MRAP: variants seen among roughly 807,000 people sequenced by gnomAD.
MRAP encodes melanocortin 2 receptor accessory protein.
MRAP carries 8 observed loss-of-function variants against 8.7 expected under a neutral mutation model. The ratio of observed to expected loss-of-function variants is 0.92; its 90% confidence interval spans 0.54 to 1.66. MRAP has a LOEUF of 1.66. MRAP is among the 40% of genes most tolerant of loss of function. The pLI is 0.00. For missense variants in MRAP, 237 were observed against 217.1 expected (o/e 1.09, Z -0.58); for synonymous variants, 95 against 95.5 (o/e 1.00, Z 0.03).
intron 2 of MRAP, 52 bp from the exon 3 acceptor site, chr21:32,311,632 G>A: frequency 6.3e-7 from 1 of 1,598,626 alleles, no homozygotes; most frequent in Non-Finnish European, 8.5e-7. Context: ...CCACAGTATG[G>A]ACTGTTCTGC....
chr21:32,311,622 C>T, intron 2 of MRAP, 62 bp from the exon 3 acceptor site: 1 of 1,579,558 alleles, frequency 6.3e-7, no homozygotes, highest in Admixed American at 1.8e-5. Context: ...CCCCCCAGCC[C>T]CACAGTATGG....
intron 2 of MRAP, among the ~76,000 whole-genome samples, chr21:32,293,794 T>C (rs993016888): frequency 6.6e-6 from 1 of 152,200 alleles, no homozygotes; most frequent in Non-Finnish European, 1.5e-5. Flanking sequence ...TTAATATAAG[T>C]ATGTCATTAT....
chr21:32,301,001 TATG>T (rs66527022), intron 1 of MRAP, among the ~76,000 whole-genome samples: 31,868 of 149,888 alleles, frequency 0.21, 3,693 homozygotes, highest in African/African-American at 0.29. Context: ...TGATATATGA[TATG>T]ATGATATATC....
At chr21:32,299,437 T>C (rs531420835) in intron 1 of MRAP, among the ~76,000 whole-genome samples, 95 of 152,226 alleles carry the variant, frequency 6.2e-4, no homozygotes, top group African/African-American at 2.2e-3. Flanking sequence ...CTGGGTCAAG[T>C]AATCCTCCTA....
upstream of MRAP, among the ~76,000 whole-genome samples, chr21:32,297,389 C>T (rs2032159072): frequency 6.6e-6 from 1 of 152,150 alleles, no homozygotes; most frequent in Admixed American, 6.6e-5. Flanking sequence ...GATGGCATAG[C>T]ACATGATAAA....
chr21:32,300,946 AATGAT>A (rs1332823536), intron 1 of MRAP, among the ~76,000 whole-genome samples: 2 of 149,848 alleles, frequency 1.3e-5, no homozygotes, highest in Non-Finnish European at 2.9e-5. Flanking sequence ...ATGTCATATC[AATGAT>A]ATATCATGAT....
At chr21:32,293,374 A>T (rs763507252) in intron 2 of MRAP, among the ~76,000 whole-genome samples, 28 of 152,148 alleles carry the variant, frequency 1.8e-4, no homozygotes, top group Non-Finnish European at 4.0e-4. Flanking sequence ...CACCAAATCT[A>T]TGTTGTTTTA....
At chr21:32,309,185 T>C (rs1047647583) in intron 2 of MRAP, among the ~76,000 whole-genome samples, 1 of 151,974 alleles carries the variant, frequency 6.6e-6, no homozygotes. Context: ...AAAGATCTAA[T>C]TCAGTCTAGA....
At chr21:32,300,497 ATG>A (rs1408550316) in intron 1 of MRAP, among the ~76,000 whole-genome samples, 3 of 143,226 alleles carry the variant, frequency 2.1e-5, no homozygotes, top group Non-Finnish European at 4.6e-5. Flanking sequence ...CCTATGTCGG[ATG>A]TGTCACGCAT....
chr21:32,312,062 C>T lies in MRAP; in HGVS notation c.*66C>T. On this transcript the variant is annotated 3_prime_UTR_variant, in exon 3 of 3. Transcript: ENST00000303645. ...TCAAGCCAACCTGGACACATACGTT[C>T]CTCGTTCTTCTTAGAGGCCATTTGC... The T allele has an allele frequency of 6.2e-7, 1 of 1,607,244 alleles. No individual in the cohort carries two copies. The highest frequency in any genetic ancestry group is 1.3e-5 in the African/African-American group (1 of 75,048).
chr21:32,312,054 C>T lies in MRAP; in HGVS notation c.*58C>T. On this transcript the variant is annotated 3_prime_UTR_variant, in exon 3 of 3. Coordinates refer to ENST00000303645, the MANE Select transcript of MRAP (RefSeq NM_001379228.1). ...TGGTGAAATCAAGCCAACCTGGACA[C>T]ATACGTTCCTCGTTCTTCTTAGAGG... is the stretch of plus-strand genomic sequence containing the variant. 6 of 1,609,760 alleles carry T rather than the reference C, an allele frequency of 3.7e-6. No individual in the cohort carries two copies. The highest frequency in any genetic ancestry group is 5.1e-6 in the Non-Finnish European group (6 of 1,179,978).
chr21:32,306,416 C>T (rs2032417694), intron 1 of MRAP: 2 of 596,008 alleles, frequency 3.4e-6, no homozygotes, highest in African/African-American at 1.8e-5. Flanking sequence ...CCTAAACAGA[C>T]CCCGTGGCCA....
At chr21:32,302,948 A>G (rs2032324893) in intron 1 of MRAP, among the ~76,000 whole-genome samples, 1 of 149,128 alleles carries the variant, frequency 6.7e-6, no homozygotes, top group South Asian at 2.2e-4. Context: ...CTGACCTTAG[A>G]GTTGACAGTA....
At chr21:32,297,988 G>C (rs1450754386), upstream of MRAP, among the ~76,000 whole-genome samples, 1 of 152,188 alleles carries the variant, frequency 6.6e-6, no homozygotes, top group African/African-American at 2.4e-5. Context: ...CCTGAATCAA[G>C]AACACAAGAA....
chr21:32,305,616 T>C (rs888297791), intron 1 of MRAP, among the ~76,000 whole-genome samples: 1 of 152,208 alleles, frequency 6.6e-6, no homozygotes, highest in Non-Finnish European at 1.5e-5. Context: ...CTCTGAATCC[T>C]GAACAGTCCC....
intron 1 of MRAP, among the ~76,000 whole-genome samples, chr21:32,302,640 T>A (rs982047439): frequency 1.3e-5 from 2 of 152,178 alleles, no homozygotes; most frequent in African/African-American, 2.4e-5. Flanking sequence ...TGCACTACCA[T>A]CCCTGGGACA....
chr21:32,307,205 C>T (rs1208008889), intron 2 of MRAP, among the ~76,000 whole-genome samples: 1 of 152,074 alleles, frequency 6.6e-6, no homozygotes, highest in African/African-American at 2.4e-5. Flanking sequence ...AGCAGATTAG[C>T]AGCTGCCTAG....
intron 1 of MRAP, among the ~76,000 whole-genome samples, chr21:32,305,041 T>C (rs2032381802): frequency 6.8e-6 from 1 of 147,794 alleles, no homozygotes; most frequent in African/African-American, 2.5e-5. Context: ...GGCGTGATCG[T>C]AGCTCACTTC....
At chr21:32,304,660 CAAAA>C (rs1277768239) in intron 1 of MRAP, among the ~76,000 whole-genome samples, 1 of 52,646 alleles carries the variant, frequency 1.9e-5, no homozygotes, top group Admixed American at 1.5e-4. Flanking sequence ...AACAAACAAA[CAAAA>C]CAAACCAAAA....
Sources: gnomAD v4.1 joint callset for allele counts (sites outside exome capture counted in the v4.1 genomes callset) on GRCh38, gnomAD v4.1.1 for gene constraint, MANE v1.5 for transcripts, NCBI Gene and HGNC (gene_info 2026-07-23, HGNC 2026-07-21) for gene names.